Variants in EXPH5 observed in about 807,000 individuals in gnomAD.
EXPH5 encodes exophilin-5.
EXPH5 carries 42 observed loss-of-function variants against 41.1 expected under a neutral mutation model. That is an observed-to-expected ratio of 1.02 (90% CI 0.80 to 1.32). The LOEUF is 1.32. Ranked by LOEUF, EXPH5 falls within the 40% of genes most tolerant of loss-of-function variation. EXPH5 has a pLI of 0.00. For missense variants in EXPH5, 2,298 were observed against 2,314.5 expected (o/e 0.99, Z 0.15); for synonymous variants, 798 against 833.5 (o/e 0.96, Z 0.73).
At chr11:108,589,922 C>A (rs2094123460) in intron 1 of EXPH5, among the ~76,000 whole-genome samples, 1 of 152,098 alleles carries the variant, frequency 6.6e-6, no homozygotes, top group African/African-American at 2.4e-5. Context: ...ATCTGTATAA[C>A]ATGTTTAGTA....
chr11:108,549,003 G>A, intron 1 of EXPH5, among the ~76,000 whole-genome samples: 1 of 151,226 alleles, frequency 6.6e-6, no homozygotes, highest in East Asian at 2.0e-4. Context: ...TAACCAGCCT[G>A]CACAACGCTC....
intron 1 of EXPH5, among the ~76,000 whole-genome samples, chr11:108,555,937 C>A (rs746414557): frequency 6.6e-6 from 1 of 152,148 alleles, no homozygotes; most frequent in African/African-American, 2.4e-5. Context: ...TGAGAACGGA[C>A]GTATACAAGC....
chr11:108,531,032 G>T (rs778730994), intron 3 of EXPH5, among the ~76,000 whole-genome samples: 5 of 152,070 alleles, frequency 3.3e-5, no homozygotes, highest in Admixed American at 1.3e-4. Flanking sequence ...CTGGTAAAAG[G>T]CCCCTGGACT....
intron 1 of EXPH5, among the ~76,000 whole-genome samples, chr11:108,559,406 A>C (rs987712894): frequency 2.0e-5 from 3 of 152,238 alleles, no homozygotes; most frequent in African/African-American, 7.2e-5. Context: ...GAGCTGCAGA[A>C]TGGGGACATA....
intron 4 of EXPH5, among the ~76,000 whole-genome samples, chr11:108,525,196 T>C (rs2093790369): frequency 1.3e-5 from 2 of 152,208 alleles, no homozygotes; most frequent in African/African-American, 4.8e-5. Context: ...AAGCCCCTTT[T>C]TCTTTAAATT....
intron 5 of EXPH5, 68 bp from the exon 6 acceptor site, chr11:108,514,943 G>A: frequency 1.0e-6 from 1 of 981,728 alleles, no homozygotes. Flanking sequence ...TTGAGTTATT[G>A]AAGGCTCCTT....
chr11:108,535,742 C>T (rs1345316878), intron 3 of EXPH5, among the ~76,000 whole-genome samples: 1 of 152,160 alleles, frequency 6.6e-6, no homozygotes, highest in African/African-American at 2.4e-5. Flanking sequence ...CAAATTTGGA[C>T]ATGCCTGAGA....
chr11:108,531,988 G>T (rs2093841066), intron 3 of EXPH5, among the ~76,000 whole-genome samples: 1 of 151,966 alleles, frequency 6.6e-6, no homozygotes, highest in East Asian at 1.9e-4. Context: ...CCAAGTTTTT[G>T]TCCCAATCCA....
chr11:108,514,950 C>T, intron 5 of EXPH5, 75 bp from the exon 6 acceptor site: 2 of 864,904 alleles, frequency 2.3e-6, no homozygotes, highest in East Asian at 2.9e-5. Flanking sequence ...ATTGAAGGCT[C>T]CTTTTCAAGA....
intron 3 of EXPH5, among the ~76,000 whole-genome samples, chr11:108,532,432 C>A (rs1408648938): frequency 5.2e-5 from 6 of 116,202 alleles, no homozygotes; most frequent in Non-Finnish European, 8.2e-5. Flanking sequence ...CCAGGCTGGT[C>A]TTGAACTCCT....
intron 1 of EXPH5, among the ~76,000 whole-genome samples, chr11:108,543,571 G>A (rs547934576): frequency 2.0e-5 from 3 of 152,114 alleles, no homozygotes; most frequent in Non-Finnish European, 4.4e-5. Flanking sequence ...CTTTGTTCAG[G>A]GTCTGTCGTA....
intron 1 of EXPH5, among the ~76,000 whole-genome samples, chr11:108,589,683 C>G (rs1002828529): frequency 6.6e-6 from 1 of 152,140 alleles, no homozygotes; most frequent in Non-Finnish European, 1.5e-5. Flanking sequence ...CTTAACGTTG[C>G]TAAATTTCAG....
intron 1 of EXPH5, among the ~76,000 whole-genome samples, chr11:108,569,274 C>T (rs996291972): frequency 3.3e-5 from 5 of 151,658 alleles, no homozygotes; most frequent in Admixed American, 2.0e-4. Context: ...ACCTCTGCGG[C>T]CCTCTGTGTG....
chr11:108,532,368 T>TAATA (rs1565800742), intron 3 of EXPH5, among the ~76,000 whole-genome samples: 1 of 27,162 alleles, frequency 3.7e-5, no homozygotes, highest in African/African-American at 2.6e-4. Flanking sequence ...ATATATATAT[T>TAATA]TTTTTTTTTT....
chr11:108,592,087 A>G (rs866681197), intron 1 of EXPH5, among the ~76,000 whole-genome samples: 1 of 152,156 alleles, frequency 6.6e-6, no homozygotes, highest in Non-Finnish European at 1.5e-5. Context: ...GTGCATGTGC[A>G]TATGTGTAGG....
chr11:108,591,656 C>T (rs2094127789), intron 1 of EXPH5, among the ~76,000 whole-genome samples: 1 of 152,180 alleles, frequency 6.6e-6, no homozygotes, highest in African/African-American at 2.4e-5. Context: ...ATATGAGTGC[C>T]ATGAAATTAG....
At chr11:108,578,756 T>A (rs1485543136) in intron 1 of EXPH5, among the ~76,000 whole-genome samples, 1 of 152,216 alleles carries the variant, frequency 6.6e-6, no homozygotes, top group Admixed American at 6.5e-5. Context: ...AGTTCTTTGG[T>A]TAAGTTTATT....
At chr11:108,582,861 T>C (rs924458206) in intron 1 of EXPH5, among the ~76,000 whole-genome samples, 1 of 152,196 alleles carries the variant, frequency 6.6e-6, no homozygotes, top group African/African-American at 2.4e-5. Flanking sequence ...CTTGTCTGTC[T>C]TTGTGTCCAA....
At chr11:108,543,655 G>T (rs1227988226) in intron 1 of EXPH5, among the ~76,000 whole-genome samples, 1 of 152,188 alleles carries the variant, frequency 6.6e-6, no homozygotes, top group Non-Finnish European at 1.5e-5. Context: ...CAGATTTGGA[G>T]TTAAAAGGCA....
Sources: allele counts gnomAD v4.1 joint callset (sites outside exome capture counted in the v4.1 genomes callset), GRCh38; gene constraint gnomAD v4.1.1; transcripts MANE v1.5; gene names NCBI Gene and HGNC (gene_info 2026-07-23, HGNC 2026-07-21).